The following NR1H3 variants were observed in gnomAD, a reference collection of about 807,000 sequenced individuals.
The protein encoded by NR1H3 is oxysterols receptor LXR-alpha.
In NR1H3, 19 loss-of-function variants were observed where a neutral mutation model predicts 48.1. The ratio of observed to expected loss-of-function variants is 0.40; its 90% CI spans 0.28 to 0.58. The LOEUF (loss-of-function observed/expected upper bound fraction) is 0.58, where lower values mean the gene tolerates loss of function less well. Ranked by LOEUF, NR1H3 falls within the 20% of genes least tolerant of loss-of-function variation. NR1H3 has a pLI of 0.50. For synonymous variants in NR1H3, 232 were observed against 227.3 expected (o/e 1.02, Z -0.19); for missense variants, 486 against 595.9 (o/e 0.82, Z 1.92).
intron 7 of NR1H3, among the ~76,000 whole-genome samples, chr11:47,265,213 G>C (rs2135681556): frequency 7.9e-6 from 1 of 126,930 alleles, no homozygotes. Flanking sequence ...AGAATTGCTT[G>C]AACCAGAAGG....
At chr11:47,258,577 C>T (rs1955464203) in intron 1 of NR1H3, 1 of 152,334 alleles carries the variant, frequency 6.6e-6, no homozygotes, top group Non-Finnish European at 1.5e-5. Context: ...GGGTTGGAGT[C>T]TTGACTCTAC....
At chr11:47,261,511 C>T (rs148501953) in intron 5 of NR1H3, 36 bp from the exon 6 acceptor site, 46 of 1,610,310 alleles carry the variant, frequency 2.9e-5, no homozygotes, top group Admixed American at 6.7e-5. Context: ...TCTTGATGTC[C>T]GACTCAAAGC....
Position 47,269,017 on chromosome 11 carries a change from A to G in NR1H3, c.*321A>G. On this transcript the variant is annotated 3_prime_UTR_variant, in exon 10 of 10. Transcript: ENST00000441012. ...CTGTTTTTCCCACAGGGCCCCAAGA[A>G]AAATTCTCCACTGTCACTCTGTGGT... 3.0e-6 allele frequency: 1 copy of G among 337,280 alleles called. No homozygotes were observed. 20.9% of individuals were successfully genotyped at this position (337,280 alleles called of 1,614,324 possible).
chr11:47,268,284 C>T lies in NR1H3; in HGVS notation c.1126C>T (p.Leu376Phe). Residue 376 changes from leucine (L) to phenylalanine (F), a missense_variant, in exon 9 of 10, where the codon CTC becomes TTC. Physicochemically the swap from Leu to Phe is conservative, Grantham distance 22. Transcript: ENST00000441012. ...AGACCGGCCCAACGTGCAGGACCAGCTCCAGGTAGAGAGGCTGCAGCACAC... is the reference window on the plus strand; with the variant it reads ...AGACCGGCCCAACGTGCAGGACCAGTTCCAGGTAGAGAGGCTGCAGCACAC... ...SADRPNVQDQ[L>F]QVERLQHTYV... 1 of 1,614,110 alleles carries T rather than the reference C, an allele frequency of 6.2e-7. No homozygotes were observed. The highest frequency in any genetic ancestry group is 1.7e-4 in the Middle Eastern group (1 of 6,060).
At chr11:47,251,457 C>T (rs1252562189) in intron 1 of NR1H3, among the ~76,000 whole-genome samples, 1 of 151,728 alleles carries the variant, frequency 6.6e-6, no homozygotes, top group Non-Finnish European at 1.5e-5. Flanking sequence ...ACTAAAAATA[C>T]AAAAATTAGC....
chr11:47,257,058 C>T (rs749561875), upstream of NR1H3, among the ~76,000 whole-genome samples: 1 of 152,170 alleles, frequency 6.6e-6, no homozygotes, highest in Non-Finnish European at 1.5e-5. Context: ...TCTTGTTATT[C>T]ATTCAACAAA....
In NR1H3 at chr11:47,268,523, C is replaced by G. The variant is rs1367670915; in HGVS notation, c.1198-27C>G. 3.1e-6 allele frequency: 5 copies of G among 1,614,010 alleles called. No individual in the cohort carries two copies. The Admixed American group carries it at 6.7e-5, about 22-fold the overall frequency. On this transcript the variant is annotated intron_variant, in intron 9 of 9. Coordinates refer to ENST00000441012, the MANE Select transcript of NR1H3 (RefSeq NM_005693.4). ...CCGCTTCCCTGGGGACAGGCAAAAG[C>G]TGTGTTTGTCTCTCTCCTTTCCCCA...
chr11:47,248,873 A>G, upstream of NR1H3: 1 of 1,549,806 alleles, frequency 6.5e-7, no homozygotes, highest in Non-Finnish European at 8.7e-7. Context: ...CCGTAAGGAC[A>G]CACGCCGGAA....
At chr11:47,252,083 CAT>C (rs1363589276) in intron 1 of NR1H3, among the ~76,000 whole-genome samples, 10 of 149,920 alleles carry the variant, frequency 6.7e-5, no homozygotes, top group Non-Finnish European at 1.3e-4. Flanking sequence ...AAAAAAAACA[CAT>C]GTAGATAGAT....
intron 7 of NR1H3, among the ~76,000 whole-genome samples, chr11:47,264,088 G>A (rs971962115): frequency 2.0e-5 from 3 of 152,216 alleles, no homozygotes; most frequent in African/African-American, 7.2e-5. Flanking sequence ...CTACGCAGAA[G>A]GGGTTTCTTC....
At chr11:47,262,067 CTTTT>C (rs1163649184) in intron 7 of NR1H3, 49 bp downstream of exon 7, 2 of 1,372,758 alleles carry the variant, frequency 1.5e-6, no homozygotes, top group Non-Finnish European at 2.0e-6. Flanking sequence ...ACAGATGCTT[CTTTT>C]TTTATTTTTT....
chr11:47,251,797 TTTGCTTTTCTTCCCAC>T (rs1350062522), intron 1 of NR1H3, among the ~76,000 whole-genome samples: 3 of 152,104 alleles, frequency 2.0e-5, no homozygotes, highest in Non-Finnish European at 4.4e-5. Context: ...AAATTCAGCT[TTTGCTTTTCTTCCCAC>T]TTGCTCAAAT....
chr11:47,255,123 T>C (rs1450978628), upstream of NR1H3, among the ~76,000 whole-genome samples: 6 of 152,204 alleles, frequency 3.9e-5, no homozygotes, highest in African/African-American at 1.4e-4. Flanking sequence ...CTCTCCCCTG[T>C]AGCCCACCAG....
upstream of NR1H3, among the ~76,000 whole-genome samples, chr11:47,254,161 C>T (rs1454729443): frequency 6.6e-6 from 1 of 152,190 alleles, no homozygotes; most frequent in East Asian, 1.9e-4. Context: ...CCCCCACTCC[C>T]ACAAGATGGG....
chr11:47,248,474 G>C, upstream of NR1H3: 1 of 1,548,396 alleles, frequency 6.5e-7, no homozygotes, highest in South Asian at 1.2e-5. Context: ...CCTGTCTCAA[G>C]GCAGACTCAC....
chr11:47,266,270 T>A (rs1482711169), intron 7 of NR1H3, among the ~76,000 whole-genome samples: 1 of 151,854 alleles, frequency 6.6e-6, no homozygotes, highest in Non-Finnish European at 1.5e-5. Context: ...CTCGACCTTC[T>A]GGGCTCAAGT....
intron 1 of NR1H3, among the ~76,000 whole-genome samples, chr11:47,250,046 G>A (rs1036058271): frequency 3.3e-5 from 5 of 152,270 alleles, no homozygotes; most frequent in African/African-American, 1.2e-4. Context: ...GTTGCAGTGA[G>A]CTGAGATCAC....
Sources: allele counts gnomAD v4.1 joint callset (sites outside exome capture counted in the v4.1 genomes callset), GRCh38; gene constraint gnomAD v4.1.1; transcripts MANE v1.5; gene names NCBI Gene and HGNC (gene_info 2026-07-23, HGNC 2026-07-21).